PAPPA: variants seen among roughly 807,000 people sequenced by gnomAD.
PAPPA encodes the protein pappalysin-1.
In PAPPA, 60 loss-of-function variants were observed where a neutral mutation model predicts 164.0. The ratio of observed to expected loss-of-function variants is 0.37; its 90% CI spans 0.30 to 0.45. The LOEUF (loss-of-function observed/expected upper bound fraction) is 0.45. PAPPA is among the 20% of genes least tolerant of loss of function. The pLI, the probability that PAPPA is intolerant of heterozygous loss-of-function variation, is 1.00. For synonymous variants in PAPPA, 875 were observed against 814.1 expected, an observed-to-expected ratio of 1.07 and a Z score of -1.27; for missense variants, 1,782 against 2,087.3, an observed-to-expected ratio of 0.85 and a Z score of 2.85.
chr9:116,235,145 C>T lies in PAPPA; in HGVS notation c.2240C>T (p.Pro747Leu), dbSNP rs1314084046. The T allele has an allele frequency of 6.2e-7, 1 of 1,614,128 alleles. No individual in the cohort carries two copies. Among genetic ancestry groups the T allele is most frequent in the Admixed American group, 1.7e-5 (1 of 60,016 alleles). The change falls in exon 7 of 22, where the codon CCT becomes CTT. Residue 747 changes from proline to leucine, a missense_variant. Pro to Leu is a moderately conservative substitution (Grantham distance 98). Coordinates refer to ENST00000328252, the MANE Select transcript of PAPPA (RefSeq NM_002581.5). The part of the protein sequence containing the change: ...HWSPREAEGH[P>L]DVEQPCKSSV... The stretch of plus-strand genomic sequence containing the variant: ...CCTCATCTCTTCTGCATAGGTCATC[C>T]TGATGTTGAACAGCCCTGTAAGTCC...
At chr9:116,313,186 T>A (rs920933036) in intron 10 of PAPPA, among the ~76,000 whole-genome samples, 14 of 151,932 alleles carry the variant, frequency 9.2e-5, no homozygotes, top group African/African-American at 3.4e-4. Flanking sequence ...CATTTGTACA[T>A]GTTTGTTTTC....
At chr9:116,346,941 G>T in intron 14 of PAPPA, 85 bp from the exon 15 acceptor site, 1 of 1,169,824 alleles carries the variant, frequency 8.5e-7, no homozygotes, top group Non-Finnish European at 1.2e-6. Context: ...GCGAGACTCT[G>T]AGCCGTCACC....
rs1324894773 is a variant in PAPPA, at chr9:116,235,558, A to G, written c.2653A>G (p.Lys885Glu). 5.0e-6 allele frequency: 8 copies of G among 1,613,528 alleles called. No homozygotes were observed. The highest frequency in any genetic ancestry group is 6.8e-6 in the Non-Finnish European group (8 of 1,179,982). The change falls in exon 7 of 22, where the codon AAG becomes GAG. Residue 885 changes from lysine to glutamate, a missense_variant. Around this residue, in one of 2 missense-constraint regions of PAPPA, gnomAD observed 1,324 missense variants for 1,656.9 expected, o/e 0.80. Transcript: ENST00000328252. ...TPLCLQCKPL[K>E]YKVVRDPPLQ... The stretch of plus-strand genomic sequence containing the variant: ...ACTCTGTCTACAGTGTAAGCCCCTG[A>G]AGTATAAGGTGGTCCGGGACCCTCC...
chr9:116,176,454 C>T (rs560062203), intron 1 of PAPPA, among the ~76,000 whole-genome samples: 15 of 152,168 alleles, frequency 9.9e-5, no homozygotes, highest in Admixed American at 9.8e-4. Context: ...ATGGATTAAG[C>T]ACCAGCTTTG....
intron 10 of PAPPA, among the ~76,000 whole-genome samples, chr9:116,315,261 G>A (rs961925949): frequency 1.3e-5 from 2 of 152,116 alleles, no homozygotes; most frequent in African/African-American, 2.4e-5. Context: ...GTGAATTGGG[G>A]GAGGAAGAGG....
chr9:116,202,347 G>C (rs1156903429), intron 2 of PAPPA, among the ~76,000 whole-genome samples: 1 of 152,124 alleles, frequency 6.6e-6, no homozygotes, highest in African/African-American at 2.4e-5. Flanking sequence ...GAAATATTTT[G>C]TTGGCACTTA....
intron 7 of PAPPA, among the ~76,000 whole-genome samples, chr9:116,264,490 C>T (rs1049249488): frequency 1.3e-5 from 2 of 152,164 alleles, no homozygotes; most frequent in South Asian, 2.1e-4. Flanking sequence ...TCCCAGAGTC[C>T]TTCAATGCTC....
intron 17 of PAPPA, among the ~76,000 whole-genome samples, chr9:116,359,466 C>A (rs1288676231): frequency 6.6e-6 from 1 of 152,158 alleles, no homozygotes; most frequent in Non-Finnish European, 1.5e-5. Context: ...AAGAATTGTA[C>A]AACTGGAGTC....
intron 10 of PAPPA, among the ~76,000 whole-genome samples, chr9:116,320,288 G>A (rs1328173974): frequency 6.6e-6 from 1 of 152,172 alleles, no homozygotes; most frequent in Non-Finnish European, 1.5e-5. Context: ...GACCCCTAAG[G>A]AGTGTGAAAT....
chr9:116,346,516 G>A (rs1846211674), intron 14 of PAPPA, among the ~76,000 whole-genome samples: 2 of 152,160 alleles, frequency 1.3e-5, no homozygotes, highest in South Asian at 4.1e-4. Context: ...GTCTCCTATA[G>A]CCATGGAGAG....
intron 2 of PAPPA, among the ~76,000 whole-genome samples, chr9:116,199,487 C>T (rs767809050): frequency 2.2e-4 from 34 of 152,152 alleles, no homozygotes; most frequent in Non-Finnish European, 3.4e-4. Flanking sequence ...TGCTGTGAGA[C>T]ACTGCCAATG....
chr9:116,179,391 T>G (rs1816910712), intron 1 of PAPPA, among the ~76,000 whole-genome samples: 1 of 152,162 alleles, frequency 6.6e-6, no homozygotes, highest in Non-Finnish European at 1.5e-5. Context: ...GGCCAACACA[T>G]GGGAAACACC....
chr9:116,355,241 C>T (rs530383448), intron 17 of PAPPA, among the ~76,000 whole-genome samples: 5 of 152,228 alleles, frequency 3.3e-5, no homozygotes, highest in Non-Finnish European at 7.3e-5. Context: ...CTAGTAGGTA[C>T]TCAGGAAATG....
chr9:116,345,874 G>C (rs186562160), intron 14 of PAPPA, among the ~76,000 whole-genome samples: 361 of 152,308 alleles, frequency 2.4e-3, no homozygotes, highest in Middle Eastern at 6.8e-3. Context: ...CCTGGGATTT[G>C]AGGATTTCTG....
intron 17 of PAPPA, among the ~76,000 whole-genome samples, chr9:116,356,278 A>G (rs916507423): frequency 2.6e-5 from 4 of 152,236 alleles, no homozygotes; most frequent in African/African-American, 9.6e-5. Context: ...TGTGTATAAA[A>G]TGAGGAGAAA....
At chr9:116,328,227 A>C (rs543029884) in intron 10 of PAPPA, among the ~76,000 whole-genome samples, 1 of 152,316 alleles carries the variant, frequency 6.6e-6, no homozygotes, top group Admixed American at 6.5e-5. Flanking sequence ...AAAATGATAC[A>C]TGTCGAATTG....
At chr9:116,172,907 CA>C (rs1843790020) in intron 1 of PAPPA, among the ~76,000 whole-genome samples, 3 of 152,210 alleles carry the variant, frequency 2.0e-5, no homozygotes, top group African/African-American at 7.2e-5. Flanking sequence ...CAGAGTCTAC[CA>C]TGTATCAGAT....
chr9:116,212,285 A>G (rs1844317783), intron 4 of PAPPA, among the ~76,000 whole-genome samples: 1 of 152,160 alleles, frequency 6.6e-6, no homozygotes, highest in South Asian at 2.1e-4. Context: ...TGGACTTTGC[A>G]AAGAGAAAAT....
intron 2 of PAPPA, 61 bp downstream of exon 2, chr9:116,188,277 A>G (rs761395480): frequency 2.9e-5 from 37 of 1,283,296 alleles, no homozygotes; most frequent in Non-Finnish European, 4.0e-5. Context: ...CCTCCATATT[A>G]TAGATAAGGC....
Sources: gnomAD v4.1 joint callset for allele counts (sites outside exome capture counted in the v4.1 genomes callset) on GRCh38, gnomAD v4.1.1 for gene constraint, gnomAD v4.1.1 regional missense constraint, MANE v1.5 for transcripts, NCBI Gene and HGNC (gene_info 2026-07-23, HGNC 2026-07-21) for gene names.